The following ZRANB3 variants were observed in gnomAD, a reference collection of about 807,000 sequenced individuals.
The protein encoded by ZRANB3 is DNA annealing helicase and endonuclease ZRANB3.
A neutral mutation model predicts 133.8 loss-of-function variants in ZRANB3; 125 were observed. The ratio of observed to expected loss-of-function variants is 0.93; its 90% confidence interval spans 0.81 to 1.08. The LOEUF (loss-of-function observed/expected upper bound fraction) is 1.08, where lower values mean the gene tolerates loss of function less well. Ranked by LOEUF, ZRANB3 falls within the 50% of genes least tolerant of loss-of-function variation. ZRANB3 has a pLI of 0.00. For synonymous variants in ZRANB3, 387 were observed against 432.7 expected (o/e 0.89, Z 1.31); for missense variants, 1,229 against 1,275.5 (o/e 0.96, Z 0.56).
chr2:135,289,771 C>T (rs576505020), intron 8 of ZRANB3, among the ~76,000 whole-genome samples: 9 of 152,162 alleles, frequency 5.9e-5, no homozygotes, highest in South Asian at 2.1e-4. Context: ...GGAGTGGTGG[C>T]GCATGCCTGT....
intron 20 of ZRANB3, among the ~76,000 whole-genome samples, chr2:135,201,946 T>C (rs573325567): frequency 3.3e-5 from 5 of 152,286 alleles, no homozygotes; most frequent in South Asian, 4.1e-4. Flanking sequence ...ATCCAAATAC[T>C]TGTGACTCCG....
intron 12 of ZRANB3, among the ~76,000 whole-genome samples, chr2:135,260,583 A>G (rs955047714): frequency 2.7e-5 from 4 of 148,530 alleles, no homozygotes; most frequent in Non-Finnish European, 4.5e-5. Context: ...ATTCAAGTAT[A>G]TATATATTCA....
At chr2:135,362,573 C>T (rs1456838993) in intron 3 of ZRANB3, among the ~76,000 whole-genome samples, 1 of 152,174 alleles carries the variant, frequency 6.6e-6, no homozygotes, top group Non-Finnish European at 1.5e-5. Flanking sequence ...CTTAGAGATG[C>T]CCATATTGGG....
chr2:135,407,968 T>A (rs1241229739), intron 2 of ZRANB3, among the ~76,000 whole-genome samples: 38 of 149,392 alleles, frequency 2.5e-4, no homozygotes, highest in Admixed American at 1.1e-3. Context: ...GCCAAAATTG[T>A]CAAATGGGAT....
chr2:135,319,489 C>G (rs1683416737), intron 6 of ZRANB3, among the ~76,000 whole-genome samples: 1 of 152,146 alleles, frequency 6.6e-6, no homozygotes, highest in Admixed American at 6.5e-5. Flanking sequence ...TTATAACTTA[C>G]TGTCATACTC....
rs541249222 is a variant in ZRANB3, at chr2:135,382,187, G to A, written c.180+8615C>T. On this transcript the variant is annotated intron_variant, in intron 3 of 20. Coordinates refer to ENST00000264159, the MANE Select transcript of ZRANB3 (RefSeq NM_032143.4). ...CTGAAAACCATGGCACGAGAACTAC[G>A]TGACGAATGCACAAGCTTCATTAGC... 1.6e-4 allele frequency among the ~76,000 whole-genome samples: 24 copies of A among 152,284 alleles called. 1 individual carries two copies. Among genetic ancestry groups the A allele is most frequent in the East Asian group, 1.9e-4 (1 of 5,186 alleles).
chr2:135,399,283 C>T (rs1687636717), intron 2 of ZRANB3, among the ~76,000 whole-genome samples: 1 of 152,134 alleles, frequency 6.6e-6, no homozygotes, highest in Non-Finnish European at 1.5e-5. Flanking sequence ...AATTTATAAG[C>T]ATATGTGAAT....
At chr2:135,303,206 T>TA (rs1210086565) in intron 8 of ZRANB3, among the ~76,000 whole-genome samples, 2 of 152,164 alleles carry the variant, frequency 1.3e-5, no homozygotes, top group Non-Finnish European at 2.9e-5. Context: ...TATATATATA[T>TA]TTTTTACCAC....
intron 5 of ZRANB3, among the ~76,000 whole-genome samples, chr2:135,345,941 C>T (rs754092376): frequency 2.0e-5 from 3 of 152,118 alleles, no homozygotes; most frequent in Admixed American, 6.6e-5. Flanking sequence ...TTAAATTACA[C>T]GTGTCTATTT....
chr2:135,451,536 T>G (rs560865414), intron 2 of ZRANB3, among the ~76,000 whole-genome samples: 2 of 151,354 alleles, frequency 1.3e-5, no homozygotes, highest in Non-Finnish European at 2.9e-5. Flanking sequence ...CACTCCAGCC[T>G]GGGCAACAGA....
At position 135,230,599 on chromosome 2, in the gene ZRANB3, T is replaced by G. The variant is rs771741549; in HGVS notation, c.1868A>C (p.Glu623Ala). The change falls in exon 13 of 21, where the codon GAG becomes GCG. Residue 623 changes from glutamate (E) to alanine (A), a missense_variant. Physicochemically the swap from Glu to Ala is moderately radical, Grantham distance 107. Transcript: ENST00000264159. ...AQLTTPAFPV[E>A]GWQCSLCTYI... ...GGTGCAGAGACTACATTGCCAGCCC[T>G]CTACAGGAAAGGCTGGGGTGGTTAA... 1.9e-6 allele frequency: 3 copies of G among 1,609,128 alleles called. No homozygotes were observed. The highest frequency in any genetic ancestry group is 1.7e-5 in the Admixed American group (1 of 58,702).
intron 2 of ZRANB3, among the ~76,000 whole-genome samples, chr2:135,458,255 T>G (rs1690612767): frequency 6.6e-6 from 1 of 152,168 alleles, no homozygotes. Flanking sequence ...TCTCTCTTTA[T>G]GCCAGTACTT....
chr2:135,430,179 A>AAAAAAC (rs1453033947), intron 2 of ZRANB3, among the ~76,000 whole-genome samples: 1 of 152,134 alleles, frequency 6.6e-6, no homozygotes, highest in African/African-American at 2.4e-5. Flanking sequence ...CTGTCTCAAA[A>AAAAAAC]AAAAACAAAA....
intron 2 of ZRANB3, among the ~76,000 whole-genome samples, chr2:135,486,112 G>A (rs1692106483): frequency 6.6e-6 from 1 of 152,144 alleles, no homozygotes; most frequent in South Asian, 2.1e-4. Context: ...GACGGCTGTG[G>A]CAATTTCTTG....
At chr2:135,286,984 A>T (rs1174933340) in intron 8 of ZRANB3, among the ~76,000 whole-genome samples, 1 of 152,158 alleles carries the variant, frequency 6.6e-6, no homozygotes, top group Non-Finnish European at 1.5e-5. Flanking sequence ...CTTGGTCATG[A>T]ACTCTTTGCC....
At chr2:135,470,808 T>C (rs967394645) in intron 2 of ZRANB3, among the ~76,000 whole-genome samples, 5 of 150,604 alleles carry the variant, frequency 3.3e-5, no homozygotes, top group Non-Finnish European at 5.9e-5. Context: ...TTCTTTCTTT[T>C]TTTTTTTTTT....
At chr2:135,218,375 G>A (rs1273575894) in intron 16 of ZRANB3, among the ~76,000 whole-genome samples, 1 of 152,170 alleles carries the variant, frequency 6.6e-6, no homozygotes, top group African/African-American at 2.4e-5. Flanking sequence ...AGGGTTACCA[G>A]TCAAGTATAC....
chr2:135,520,326 C>G (rs933515265), intron 1 of ZRANB3, among the ~76,000 whole-genome samples: 1 of 151,720 alleles, frequency 6.6e-6, no homozygotes, highest in Non-Finnish European at 1.5e-5. Flanking sequence ...ACCCAGGAGA[C>G]GGAGGTTACA....
intron 3 of ZRANB3, among the ~76,000 whole-genome samples, chr2:135,377,219 G>A (rs961216646): frequency 6.6e-6 from 1 of 152,058 alleles, no homozygotes; most frequent in Non-Finnish European, 1.5e-5. Flanking sequence ...GCAAACCAAG[G>A]AATGTCAAGG....
Sources: allele counts gnomAD v4.1 joint callset (sites outside exome capture counted in the v4.1 genomes callset), GRCh38; gene constraint gnomAD v4.1.1; transcripts MANE v1.5; gene names NCBI Gene and HGNC (gene_info 2026-07-23, HGNC 2026-07-21).